Variants in EPB41L2 observed in about 807,000 individuals in gnomAD.
EPB41L2 encodes erythrocyte membrane protein band 4.1 like 2.
EPB41L2 carries 43 observed loss-of-function variants against 113.0 expected under a neutral mutation model. The observed-to-expected ratio is 0.38, with a 90% CI of 0.30 to 0.49. The LOEUF (loss-of-function observed/expected upper bound fraction) is 0.49, where lower values mean the gene tolerates loss of function less well. Among genes scored for constraint, EPB41L2 ranks in the 20% least tolerant of loss-of-function variants. EPB41L2 has a pLI of 0.95. For missense variants in EPB41L2, 1,147 were observed against 1,223.4 expected (o/e 0.94, Z 0.93); for synonymous variants, 442 against 436.7 (o/e 1.01, Z -0.15).
chr6:130,976,843 G>A (rs937603101), intron 1 of EPB41L2, among the ~76,000 whole-genome samples: 12 of 152,150 alleles, frequency 7.9e-5, no homozygotes, highest in African/African-American at 2.9e-4. Context: ...CTGCATTCCT[G>A]CTTTACACCA....
chr6:130,894,840 A>G, intron 9 of EPB41L2, 127 bp downstream of exon 9: 2 of 1,074,548 alleles, frequency 1.9e-6, no homozygotes, highest in Non-Finnish European at 2.6e-6. Flanking sequence ...AAGAACCCTG[A>G]CCTTTTACAA....
intron 1 of EPB41L2, among the ~76,000 whole-genome samples, chr6:130,996,124 C>A (rs2128704157): frequency 6.6e-6 from 1 of 152,246 alleles, no homozygotes; most frequent in South Asian, 2.1e-4. Flanking sequence ...TCACTTATAC[C>A]CCTTAGTTAC....
At chr6:130,909,176 C>T (rs998657501) in intron 4 of EPB41L2, among the ~76,000 whole-genome samples, 7 of 152,194 alleles carry the variant, frequency 4.6e-5, no homozygotes, top group African/African-American at 1.7e-4. Flanking sequence ...TTCTGTAGAA[C>T]TGCCAACAAA....
chr6:131,043,992 T>C (rs997313049), intron 1 of EPB41L2, among the ~76,000 whole-genome samples: 1 of 151,570 alleles, frequency 6.6e-6, no homozygotes, highest in Non-Finnish European at 1.5e-5. Flanking sequence ...TTTAGTTTTG[T>C]ATATATTTAA....
At chr6:131,034,445 A>T (rs1379541548) in intron 1 of EPB41L2, among the ~76,000 whole-genome samples, 7 of 152,190 alleles carry the variant, frequency 4.6e-5, no homozygotes, top group Admixed American at 3.9e-4. Flanking sequence ...TCGTATCTAC[A>T]AAAAGTGCGA....
At chr6:130,913,615 A>G (rs879820237) in intron 4 of EPB41L2, among the ~76,000 whole-genome samples, 7 of 152,174 alleles carry the variant, frequency 4.6e-5, no homozygotes, top group African/African-American at 1.7e-4. Context: ...TTAAATGATC[A>G]CGTTATATTA....
intron 4 of EPB41L2, among the ~76,000 whole-genome samples, chr6:130,923,651 C>T (rs1172200591): frequency 9.2e-5 from 14 of 152,164 alleles, no homozygotes; most frequent in Admixed American, 4.6e-4. Context: ...CTGACTTTTT[C>T]CTGCAGAGTA....
chr6:130,906,935 A>T (rs1797908548), intron 5 of EPB41L2, among the ~76,000 whole-genome samples: 1 of 152,222 alleles, frequency 6.6e-6, no homozygotes, highest in Non-Finnish European at 1.5e-5. Flanking sequence ...TGTTACTCAT[A>T]TTGCCAAACC....
At chr6:130,876,739 C>A (rs182458775) in intron 14 of EPB41L2, 5 of 1,303,932 alleles carry the variant, frequency 3.8e-6, no homozygotes, top group Non-Finnish European at 5.1e-6. Flanking sequence ...TTCTCCTTCA[C>A]GGATAAAATA....
rs182537280 is a variant in EPB41L2, at chr6:131,006,832, T to C, written c.-14-50333A>G. On this transcript the variant is annotated intron_variant, in intron 1 of 19. Transcript: ENST00000337057. The stretch of plus-strand genomic sequence containing the variant: ...ATGCACCCCGACCTCTGAATATCTA[T>C]CTTTCCAGCTCAATCCCTCTTCTCC... Among the ~76,000 whole-genome samples, 16 of 152,190 alleles carry C rather than the reference T, an allele frequency of 1.1e-4. 1 individual carries two copies. The East Asian group carries it at 2.7e-3, about 26-fold the overall frequency.
chr6:130,981,889 T>A (rs78789859), intron 1 of EPB41L2, among the ~76,000 whole-genome samples: 3,432 of 152,158 alleles, frequency 0.023, 126 homozygotes, highest in African/African-American at 0.079. Flanking sequence ...AAAATTATGC[T>A]AAAATATATA....
At chr6:130,944,172 TACACACACACACAC>T (rs869217556) in intron 3 of EPB41L2, among the ~76,000 whole-genome samples, 5 of 125,560 alleles carry the variant, frequency 4.0e-5, no homozygotes, top group Non-Finnish European at 8.2e-5. Flanking sequence ...TACACACACA[TACACACACACACAC>T]ACACACACAC....
At chr6:130,860,876 C>T (rs980462823) in intron 18 of EPB41L2, among the ~76,000 whole-genome samples, 5 of 152,056 alleles carry the variant, frequency 3.3e-5, no homozygotes, top group Non-Finnish European at 7.4e-5. Context: ...AAGAAATACA[C>T]TCTGAAGAGA....
chr6:130,909,371 T>G (rs1428919828), intron 4 of EPB41L2, among the ~76,000 whole-genome samples: 1 of 152,180 alleles, frequency 6.6e-6, no homozygotes, highest in Non-Finnish European at 1.5e-5. Flanking sequence ...TCCAACTCTA[T>G]AATTGTAAGG....
At chr6:130,858,047 T>C (rs573309472) in intron 19 of EPB41L2, 84 bp downstream of exon 19, 7 of 1,076,974 alleles carry the variant, frequency 6.5e-6, no homozygotes, top group African/African-American at 6.2e-5. Flanking sequence ...GACACTGATA[T>C]GAACTTTCAT....
chr6:130,865,304 T>C (rs185239792), intron 17 of EPB41L2, among the ~76,000 whole-genome samples: 3 of 152,342 alleles, frequency 2.0e-5, no homozygotes, highest in Admixed American at 1.3e-4. Flanking sequence ...ATCTTACATA[T>C]AGCTATTCGT....
intron 8 of EPB41L2, among the ~76,000 whole-genome samples, chr6:130,898,811 G>C (rs1253072032): frequency 6.6e-6 from 1 of 152,054 alleles, no homozygotes; most frequent in African/African-American, 2.4e-5. Flanking sequence ...GTAAATAAAT[G>C]TCTTTTAAAT....
intron 1 of EPB41L2, among the ~76,000 whole-genome samples, chr6:131,048,146 AAAAAAAAAAAAG>A (rs1341003439): frequency 4.3e-4 from 60 of 139,704 alleles, no homozygotes; most frequent in African/African-American, 1.4e-3. Flanking sequence ...CTCAAAAAAA[AAAAAAAAAAAAG>A]AAAAAAAGAA....
chr6:130,842,901 T>C (rs1485259687), intron 19 of EPB41L2, among the ~76,000 whole-genome samples: 1 of 152,218 alleles, frequency 6.6e-6, no homozygotes, highest in Non-Finnish European at 1.5e-5. Context: ...ATATTATAAA[T>C]GATAACCTTC....
Sources: gnomAD v4.1 joint callset for allele counts (sites outside exome capture counted in the v4.1 genomes callset) on GRCh38, gnomAD v4.1.1 for gene constraint, MANE v1.5 for transcripts, NCBI Gene and HGNC (gene_info 2026-07-23, HGNC 2026-07-21) for gene names.